Variants in EPHA8 observed in about 807,000 individuals in gnomAD.
EPHA8 encodes ephrin type-A receptor 8.
A neutral mutation model predicts 103.6 loss-of-function variants in EPHA8; 58 were observed. The observed-to-expected ratio is 0.56, with a 90% CI of 0.45 to 0.70. The LOEUF (loss-of-function observed/expected upper bound fraction) is 0.70, where lower values mean the gene tolerates loss of function less well. Among genes scored for constraint, EPHA8 ranks in the 30% least tolerant of loss-of-function variants. EPHA8 has a pLI of 0.00. For synonymous variants in EPHA8, 559 were observed against 572.5 expected (o/e 0.98, Z 0.34); for missense variants, 1,304 against 1,395.2 (o/e 0.93, Z 1.04).
At chr1:22,590,412 T>C (rs1641342080) in intron 5 of EPHA8, among the ~76,000 whole-genome samples, 1 of 152,202 alleles carries the variant, frequency 6.6e-6, no homozygotes, top group African/African-American at 2.4e-5. Context: ...TCTCTGTCCG[T>C]GCCTGGCGTA....
intron 3 of EPHA8, among the ~76,000 whole-genome samples, chr1:22,579,352 TGC>T (rs1461698393): frequency 6.0e-5 from 8 of 134,042 alleles, no homozygotes; most frequent in African/African-American, 2.3e-4. Flanking sequence ...AGTGTATGTA[TGC>T]GTGTGTGTAT....
intron 3 of EPHA8, among the ~76,000 whole-genome samples, chr1:22,578,945 A>G (rs971506104): frequency 1.9e-4 from 26 of 139,614 alleles, no homozygotes; most frequent in African/African-American, 5.7e-4. Flanking sequence ...GTGTGTATGT[A>G]TGCATGTGTG....
In EPHA8 at chr1:22,592,835, C is replaced by T. The variant is rs566973660; in HGVS notation, c.1316-491C>T. On this transcript the variant is annotated intron_variant, in intron 5 of 16. Transcript: ENST00000166244. ...GCATGAAGAAAGGCATGGGTGACGC[C>T]GTCAAGGAGGGAGGGGTGGGCGGGC... Among the ~76,000 whole-genome samples, 3 of 114,884 alleles carry T rather than the reference C, an allele frequency of 2.6e-5. No individual in the cohort carries two copies. The East Asian group carries it at 8.6e-4, about 33-fold the overall frequency. 75.4% of individuals were successfully genotyped at this position (114,884 alleles called of 152,430 possible). A position where few individuals can be genotyped will look rare whatever the true frequency, so the allele number is the denominator to read the frequency against.
In EPHA8 at chr1:22,601,901, CA is replaced by C. The variant is rs1641749016; in HGVS notation, c.*161del. On this transcript the variant is annotated 3_prime_UTR_variant, in exon 17 of 17. Transcript: ENST00000166244. ...GCTTCGCCACAGGACCTGGAGTTAT[CA>C]GGGGTCAGGCGCCTGGGAAGGGGCC... 1 of 744,284 alleles carries C rather than the reference CA, an allele frequency of 1.3e-6. No individual in the cohort carries two copies. The highest frequency in any genetic ancestry group is 2.2e-6 in the Non-Finnish European group (1 of 461,348). 46.1% of individuals were successfully genotyped at this position (744,284 alleles called of 1,614,324 possible).
intron 7 of EPHA8, 114 bp from the exon 8 acceptor site, chr1:22,595,116 G>C: frequency 1.3e-6 from 1 of 786,180 alleles, no homozygotes; most frequent in South Asian, 2.3e-5. Context: ...TCATGGCTCT[G>C]GGCTCCCCAC....
chr1:22,591,128 G>T (rs919580903), intron 5 of EPHA8, among the ~76,000 whole-genome samples: 2 of 152,122 alleles, frequency 1.3e-5, no homozygotes, highest in South Asian at 4.2e-4. Context: ...GGTGGCTCAC[G>T]CCTGTAATCC....
chr1:22,586,475 C>A lies in EPHA8; in HGVS notation c.824-5C>A. ...GCTCATGTGCAGCCGCCTTCTCCTCCACAGCCTGTGAGCTGGGCTTCTACA... is the reference window on the plus strand; with the variant it reads ...GCTCATGTGCAGCCGCCTTCTCCTCAACAGCCTGTGAGCTGGGCTTCTACA... On this transcript the variant is annotated splice_region_variant and splice_polypyrimidine_tract_variant and intron_variant, in intron 3 of 16. Transcript: ENST00000166244. The A allele has an allele frequency of 6.2e-7, 1 of 1,613,052 alleles. No individual in the cohort carries two copies. Among genetic ancestry groups the A allele is most frequent in the Non-Finnish European group, 8.5e-7 (1 of 1,179,598 alleles).
intron 7 of EPHA8, among the ~76,000 whole-genome samples, chr1:22,594,798 C>T (rs1229112795): frequency 2.0e-5 from 3 of 152,156 alleles, no homozygotes; most frequent in Admixed American, 1.3e-4. Flanking sequence ...GTTCTCTGAG[C>T]CTCTTTCCAT....
At chr1:22,575,788 C>G (rs1234905166) in intron 2 of EPHA8, among the ~76,000 whole-genome samples, 1 of 152,074 alleles carries the variant, frequency 6.6e-6, no homozygotes, top group East Asian at 1.9e-4. Context: ...AAGGCATAGT[C>G]TGGTTCATAT....
intron 8 of EPHA8, 59 bp downstream of exon 8, chr1:22,595,382 T>A: frequency 6.9e-7 from 1 of 1,457,200 alleles, no homozygotes; most frequent in Non-Finnish European, 9.5e-7. Context: ...ACCTCCTGCC[T>A]GCCCCCAGCC....
rs915830245 is a variant in EPHA8 at position 22,598,090 on chromosome 1, T to C, written c.2117-61T>C. 3 of 1,555,138 alleles carry C rather than the reference T, an allele frequency of 1.9e-6. No individual in the cohort carries two copies. In the African/African-American group the frequency reaches 4.1e-5, roughly 21 times the overall value. ...CTGAGATGGTGGTATGCTCCTGGGGTCTCTGATCAGCAGCCCTGAGCCCCA... is the reference window on the plus strand; with the variant it reads ...CTGAGATGGTGGTATGCTCCTGGGGCCTCTGATCAGCAGCCCTGAGCCCCA... On this transcript the variant is annotated intron_variant, in intron 11 of 16. Transcript: ENST00000166244. This position sits in a 1 kb window ranked among gnomAD's most constrained non-coding sequence, Gnocchi z 5.1.
At position 22,568,445 on chromosome 1, in the gene EPHA8, C is replaced by T. The variant is rs60615053; in HGVS notation, c.95-844C>T. Among the ~76,000 whole-genome samples, 469 of 152,330 alleles carry T rather than the reference C, an allele frequency of 3.1e-3. 5 individuals are homozygous for T. The highest frequency in any genetic ancestry group is 0.01 in the African/African-American group (417 of 41,580). ...CATCCAGGGATGGTGGATGGCCTGC[C>T]GTTGCTACAGCAAGTGCTCCGAATG... On this transcript the variant is annotated intron_variant, in intron 1 of 16. Coordinates refer to ENST00000166244, the MANE Select transcript of EPHA8 (RefSeq NM_020526.5).
intron 2 of EPHA8, among the ~76,000 whole-genome samples, chr1:22,574,026 T>C (rs1640614735): frequency 6.6e-6 from 1 of 152,256 alleles, no homozygotes; most frequent in African/African-American, 2.4e-5. Context: ...TCACCCAGGT[T>C]GGAGCGCAGT....
rs375497878 is a variant in EPHA8, at chr1:22,594,340, G to A, written c.1603+654G>A. On this transcript the variant is annotated intron_variant, in intron 7 of 16. Transcript: ENST00000166244. ...GTCGCTCGCCTGAGGCGGCAGAGAT[G>A]GTGACAGCCCCCCACACACCATGGC... is the stretch of plus-strand genomic sequence containing the variant. 5.9e-5 allele frequency among the ~76,000 whole-genome samples: 9 copies of A among 152,350 alleles called. No homozygotes were observed. In the East Asian group the frequency reaches 1.7e-3, roughly 29 times the overall value.
intron 3 of EPHA8, among the ~76,000 whole-genome samples, chr1:22,584,441 T>C (rs1023431759): frequency 6.6e-6 from 1 of 152,196 alleles, no homozygotes; most frequent in Non-Finnish European, 1.5e-5. Flanking sequence ...CCTTCTAGAG[T>C]ATGAAGCAAC....
At chr1:22,572,587 C>T (rs1640574941) in intron 2 of EPHA8, among the ~76,000 whole-genome samples, 1 of 152,206 alleles carries the variant, frequency 6.6e-6, no homozygotes, top group African/African-American at 2.4e-5. Context: ...GGTAAGTGGG[C>T]AGGTTAATTT....
intron 3 of EPHA8, among the ~76,000 whole-genome samples, chr1:22,578,333 AGT>A (rs1368789242): frequency 3.7e-5 from 5 of 134,178 alleles, no homozygotes; most frequent in Non-Finnish European, 6.4e-5. Flanking sequence ...TGTGTGCATG[AGT>A]GTATGCATGT....
intron 2 of EPHA8, among the ~76,000 whole-genome samples, chr1:22,573,237 GAGGCAGGCGCGGTAGGCTGTGA>G (rs1237377434): frequency 2.0e-5 from 3 of 152,198 alleles, no homozygotes; most frequent in Non-Finnish European, 2.9e-5. Flanking sequence ...ATGGTCCCTG[GAGGCAGGCGCGGTAGGCTGTGA>G]AGATGCTGCC....
At chr1:22,570,005 AT>A (rs1366786577) in intron 2 of EPHA8, among the ~76,000 whole-genome samples, 3 of 151,996 alleles carry the variant, frequency 2.0e-5, no homozygotes, top group African/African-American at 7.3e-5. Flanking sequence ...TTGGGTCACC[AT>A]TTCACCTCTC....
Sources: allele counts gnomAD v4.1 joint callset (sites outside exome capture counted in the v4.1 genomes callset), GRCh38; gene constraint gnomAD v4.1.1; non-coding constraint Gnocchi (gnomAD v3.1); transcripts MANE v1.5; gene names NCBI Gene and HGNC (gene_info 2026-07-23, HGNC 2026-07-21).